SLC45A4: variants seen among roughly 807,000 people sequenced by gnomAD.
SLC45A4 encodes the protein polyamine-transporter SLC45A4.
Under a neutral mutation model 63.7 loss-of-function variants are expected in SLC45A4, and 32 were observed. The observed-to-expected ratio is 0.50, with a 90% confidence interval of 0.38 to 0.67. SLC45A4 has a LOEUF of 0.67. SLC45A4 is among the 30% of genes least tolerant of loss of function. SLC45A4 has a pLI of 0.00. For missense variants in SLC45A4, 1,027 were observed against 1,157.7 expected (o/e 0.89, Z 1.64); for synonymous variants, 535 against 510.0 (o/e 1.05, Z -0.66).
intron 3 of SLC45A4, among the ~76,000 whole-genome samples, chr8:141,220,168 T>C (rs1006168765): frequency 3.3e-5 from 5 of 152,168 alleles, no homozygotes; most frequent in African/African-American, 7.2e-5. Context: ...GCTGGAAGCA[T>C]GAATTCACTG....
chr8:141,244,453 G>A (rs995336922), intron 2 of SLC45A4, among the ~76,000 whole-genome samples: 1 of 152,186 alleles, frequency 6.6e-6, no homozygotes, highest in African/African-American at 2.4e-5. Context: ...TCCACACTGG[G>A]CATGGGAACA....
At chr8:141,280,885 AAAG>A (rs1477001371) in intron 1 of SLC45A4, among the ~76,000 whole-genome samples, 1 of 152,212 alleles carries the variant, frequency 6.6e-6, no homozygotes, top group Non-Finnish European at 1.5e-5. Flanking sequence ...CAGGGGAGGG[AAAG>A]GAAAAGGGCC....
chr8:141,241,037 G>A (rs1416566014), intron 2 of SLC45A4, among the ~76,000 whole-genome samples: 1 of 152,238 alleles, frequency 6.6e-6, no homozygotes, highest in African/African-American at 2.4e-5. Flanking sequence ...GGGCGCTGTG[G>A]GCCTATGGGC....
At chr8:141,290,774 C>G (rs978501590) in intron 1 of SLC45A4, among the ~76,000 whole-genome samples, 3 of 152,220 alleles carry the variant, frequency 2.0e-5, no homozygotes, top group African/African-American at 7.2e-5. Flanking sequence ...ACCCTACGGT[C>G]CAGAGACTGC....
intron 1 of SLC45A4, among the ~76,000 whole-genome samples, chr8:141,263,335 G>A (rs1290072266): frequency 1.3e-5 from 2 of 151,324 alleles, no homozygotes; most frequent in Non-Finnish European, 2.9e-5. Flanking sequence ...GGCACATTGT[G>A]CACATGTACC....
In SLC45A4 at chr8:141,211,407, C is replaced by T; in HGVS notation, c.*165G>A. ...CGCCCCCAGGTGGTGCCCAGCCCAT[C>T]CCTGGGCAGGGTGTCTGGGAGCCAC... On this transcript the variant is annotated 3_prime_UTR_variant, in exon 9 of 9. Coordinates refer to ENST00000517878, the MANE Select transcript of SLC45A4 (RefSeq NM_001286646.2). 3 of 1,539,090 alleles carry T rather than the reference C, an allele frequency of 1.9e-6. No homozygotes were observed. The highest frequency in any genetic ancestry group is 2.6e-6 in the Non-Finnish European group (3 of 1,144,674).
chr8:141,267,852 C>G (rs971276736), intron 1 of SLC45A4, among the ~76,000 whole-genome samples: 14 of 151,966 alleles, frequency 9.2e-5, no homozygotes, highest in Non-Finnish European at 2.1e-4. Flanking sequence ...AACGCTCGTT[C>G]ACGGTTGGCA....
rs1187347949 is a variant in SLC45A4, at chr8:141,272,357, G to A, written c.-400-17728C>T. Reference sequence around the variant, plus strand: ...CAGCTCACGCGCTACGGCTGATCTCGCAGACTGGGCTCTGTCTCCCAGTGC... The same window carrying A: ...CAGCTCACGCGCTACGGCTGATCTCACAGACTGGGCTCTGTCTCCCAGTGC... On this transcript the variant is annotated intron_variant, in intron 1 of 8. Transcript: ENST00000517878. 5.9e-5 allele frequency among the ~76,000 whole-genome samples: 9 copies of A among 152,160 alleles called. No homozygotes were observed. The South Asian group carries it at 6.2e-4, about 11-fold the overall frequency.
chr8:141,245,509 C>T (rs979266393), intron 2 of SLC45A4, among the ~76,000 whole-genome samples: 1 of 152,158 alleles, frequency 6.6e-6, no homozygotes, highest in African/African-American at 2.4e-5. Flanking sequence ...TGCTTGCCTC[C>T]CCCAGGGCTG....
At chr8:141,258,037 T>C (rs1209313820) in intron 1 of SLC45A4, among the ~76,000 whole-genome samples, 2 of 150,990 alleles carry the variant, frequency 1.3e-5, no homozygotes, top group African/African-American at 4.9e-5. Context: ...CTGTTGTACA[T>C]TCTCCTTTTT....
chr8:141,213,050 G>A (rs1825934033), intron 7 of SLC45A4, among the ~76,000 whole-genome samples: 2 of 131,424 alleles, frequency 1.5e-5, no homozygotes, highest in South Asian at 2.5e-4. Context: ...AAAGAAAACT[G>A]CTGTACATAT....
chr8:141,217,961 G>A, intron 5 of SLC45A4, 50 bp downstream of exon 5: 1 of 1,530,674 alleles, frequency 6.5e-7, no homozygotes. Context: ...TTCTCCGTGA[G>A]CCGCAGGTGG....
At chr8:141,303,812 G>T (rs1830819390) in intron 1 of SLC45A4, among the ~76,000 whole-genome samples, 1 of 152,214 alleles carries the variant, frequency 6.6e-6, no homozygotes, top group Admixed American at 6.5e-5. Flanking sequence ...ACAGGTTTAG[G>T]AGGATGAAAG....
At chr8:141,291,052 T>C (rs866055502) in intron 1 of SLC45A4, among the ~76,000 whole-genome samples, 1 of 152,212 alleles carries the variant, frequency 6.6e-6, no homozygotes, top group Non-Finnish European at 1.5e-5. Context: ...TTTCACCATG[T>C]TGGCCAGGCT....
At position 141,215,791 on chromosome 8, in the gene SLC45A4, C is replaced by T. The variant is rs748305535; in HGVS notation, c.1909G>A (p.Ala637Thr). 6 of 1,613,838 alleles carry T rather than the reference C, an allele frequency of 3.7e-6. No individual in the cohort carries two copies. The highest frequency in any genetic ancestry group is 4.5e-5 in the East Asian group (2 of 44,882). ...VSMSISYCPY[A>T]LLGQYHDIKQ... ...ATGTCATGGTACTGGCCCAGCAGGGCGTACGGGCAGTAGGAGATGCTCATG... is the reference window on the plus strand; with the variant it reads ...ATGTCATGGTACTGGCCCAGCAGGGTGTACGGGCAGTAGGAGATGCTCATG... The change falls in exon 7 of 9, where the codon GCC becomes ACC. Residue 637 changes from alanine (A) to threonine (T), a missense_variant. Ala to Thr is a moderately conservative substitution (Grantham distance 58). Coordinates refer to ENST00000517878, the MANE Select transcript of SLC45A4 (RefSeq NM_001286646.2). This position sits in a 1 kb window ranked among gnomAD's most constrained non-coding sequence, Gnocchi z 4.3.
intron 2 of SLC45A4, among the ~76,000 whole-genome samples, chr8:141,242,934 A>G (rs1376765899): frequency 1.3e-5 from 2 of 152,182 alleles, no homozygotes; most frequent in East Asian, 3.9e-4. Context: ...GGGATTTTCA[A>G]ACCTAAGCCA....
chr8:141,262,892 C>T (rs1171157190), intron 1 of SLC45A4, among the ~76,000 whole-genome samples: 1 of 151,234 alleles, frequency 6.6e-6, no homozygotes, highest in East Asian at 1.9e-4. Flanking sequence ...ATAAATCATG[C>T]TGCTATAAAG....
chr8:141,291,652 A>G (rs1366749864), intron 1 of SLC45A4, among the ~76,000 whole-genome samples: 2 of 152,252 alleles, frequency 1.3e-5, no homozygotes, highest in Non-Finnish European at 2.9e-5. Flanking sequence ...GGACAAACGT[A>G]TGAACGACTA....
intron 1 of SLC45A4, among the ~76,000 whole-genome samples, chr8:141,282,093 G>A (rs1008022049): frequency 1.3e-5 from 2 of 152,180 alleles, no homozygotes; most frequent in Non-Finnish European, 2.9e-5. Context: ...GGATGCATGG[G>A]AACCTCCTTT....
Sources: gnomAD v4.1 joint callset for allele counts (sites outside exome capture counted in the v4.1 genomes callset) on GRCh38, gnomAD v4.1.1 for gene constraint, Gnocchi (gnomAD v3.1) non-coding constraint, MANE v1.5 for transcripts, NCBI Gene and HGNC (gene_info 2026-07-23, HGNC 2026-07-21) for gene names.